Variants in KLF12 observed in about 807,000 individuals in gnomAD.
The protein encoded by KLF12 is Krueppel-like factor 12.
KLF12 carries 9 observed loss-of-function variants against 37.8 expected under a neutral mutation model. The ratio of observed to expected loss-of-function variants is 0.24; its 90% CI spans 0.14 to 0.42. The LOEUF is 0.42. KLF12 is among the 10% of genes least tolerant of loss of function. The pLI, the probability that KLF12 is intolerant of heterozygous loss-of-function variation, is 1.00. For synonymous variants in KLF12, 208 were observed against 202.1 expected (o/e 1.03, Z -0.25); for missense variants, 411 against 516.0 (o/e 0.80, Z 1.97).
the KLF12 span, among the ~76,000 whole-genome samples, chr13:74,280,825 CTT>C: frequency 1.6e-3 from 176 of 110,544 alleles, no homozygotes; most frequent in Non-Finnish European, 2.2e-3. Context: ...TTTCTTTTTT[CTT>C]TTTTTTTTTT....
intron 6 of KLF12, among the ~76,000 whole-genome samples, chr13:73,722,018 T>C (rs1876300789): frequency 6.6e-6 from 1 of 152,262 alleles, no homozygotes; most frequent in Middle Eastern, 3.4e-3. Flanking sequence ...CCAAAAAGAA[T>C]TGAGTTGGTT....
the KLF12 span, among the ~76,000 whole-genome samples, chr13:74,278,379 G>A: frequency 6.6e-6 from 1 of 152,154 alleles, no homozygotes; most frequent in African/African-American, 2.4e-5. Context: ...ACTGTCATGT[G>A]TTCATCACCG....
chr13:73,725,462 A>T (rs1177944446), intron 6 of KLF12, among the ~76,000 whole-genome samples: 1 of 152,108 alleles, frequency 6.6e-6, no homozygotes, highest in Non-Finnish European at 1.5e-5. Context: ...TATAATGATA[A>T]ACAAGAAAAC....
chr13:74,215,816 G>A, the KLF12 span, among the ~76,000 whole-genome samples: 2 of 152,212 alleles, frequency 1.3e-5, no homozygotes, highest in Non-Finnish European at 2.9e-5. Flanking sequence ...GAAAGGTTGT[G>A]GGGAGGTGTC....
At chr13:74,108,232 A>G (rs1305910819) in intron 1 of KLF12, among the ~76,000 whole-genome samples, 82 of 152,246 alleles carry the variant, frequency 5.4e-4, no homozygotes, top group African/African-American at 1.9e-3. Context: ...AATTTGTCTA[A>G]ATAAACCATA....
rs1593965380 is a variant in KLF12 at position 73,695,318 on chromosome 13, G to A, written c.*172C>T. The A allele has an allele frequency of 3.2e-6, 2 of 622,400 alleles. No homozygotes were observed. The highest frequency in any genetic ancestry group is 5.6e-5 in the East Asian group (2 of 35,904). The allele number at this position is 622,400 out of a possible 1,614,324, so 38.6% of individuals were successfully genotyped here. The stretch of plus-strand genomic sequence containing the variant: ...AAGACGGTTCTCGTCTAGTCATGAT[G>A]GGGGTTACCTTCAGACCAAAAGAAG... On this transcript the variant is annotated 3_prime_UTR_variant, in exon 8 of 8. Coordinates refer to ENST00000377669, the MANE Select transcript of KLF12 (RefSeq NM_007249.5).
intron 1 of KLF12, among the ~76,000 whole-genome samples, chr13:74,076,486 A>G (rs1874570781): frequency 6.6e-6 from 1 of 152,160 alleles, no homozygotes; most frequent in South Asian, 2.1e-4. Flanking sequence ...TTCCCCACAC[A>G]GTGGAAGGTG....
chr13:74,168,175 G>A, the KLF12 span, among the ~76,000 whole-genome samples: 1 of 152,174 alleles, frequency 6.6e-6, no homozygotes, highest in Non-Finnish European at 1.5e-5. Context: ...GCTTTGAAAC[G>A]GTGGCTGTTT....
chr13:74,079,968 C>T (rs1010708766), intron 1 of KLF12, among the ~76,000 whole-genome samples: 1 of 152,062 alleles, frequency 6.6e-6, no homozygotes, highest in African/African-American at 2.4e-5. Flanking sequence ...GGAAGCAAAC[C>T]CAAAAGTCCA....
chr13:74,159,816 C>T, the KLF12 span, among the ~76,000 whole-genome samples: 2 of 151,916 alleles, frequency 1.3e-5, no homozygotes, highest in Non-Finnish European at 2.9e-5. Flanking sequence ...CTCAGGAGCT[C>T]GAGACCAGCC....
chr13:74,144,386 A>G, the KLF12 span, among the ~76,000 whole-genome samples: 1 of 152,192 alleles, frequency 6.6e-6, no homozygotes, highest in Non-Finnish European at 1.5e-5. Context: ...TTTCTTCAAA[A>G]ATGAGAATGA....
At position 73,774,306 on chromosome 13, in the gene KLF12, A is replaced by G. The variant is rs572969240; in HGVS notation, c.807-9306T>C. 5.7e-4 allele frequency among the ~76,000 whole-genome samples: 84 copies of G among 147,934 alleles called. 1 individual carries two copies. The highest frequency in any genetic ancestry group is 2.0e-3 in the African/African-American group (79 of 40,386). On this transcript the variant is annotated intron_variant, in intron 5 of 7. Coordinates refer to ENST00000377669, the MANE Select transcript of KLF12 (RefSeq NM_007249.5). ...TATACACACACACACACACACATCT[A>G]TATATATATATATATAGATTATACA...
At chr13:73,823,138 GC>G (rs1883627921) in intron 4 of KLF12, among the ~76,000 whole-genome samples, 1 of 152,034 alleles carries the variant, frequency 6.6e-6, no homozygotes, top group Non-Finnish European at 1.5e-5. Flanking sequence ...TTGGTCTGTT[GC>G]CCCTATCTGT....
intron 7 of KLF12, among the ~76,000 whole-genome samples, chr13:73,708,059 A>G (rs1875083822): frequency 6.6e-6 from 1 of 152,214 alleles, no homozygotes; most frequent in East Asian, 1.9e-4. Flanking sequence ...GAGAAAAATT[A>G]TTAAATAATG....
intron 2 of KLF12, among the ~76,000 whole-genome samples, chr13:73,962,413 T>A (rs928259785): frequency 2.6e-5 from 4 of 152,162 alleles, no homozygotes; most frequent in African/African-American, 9.7e-5. Context: ...TGAATACACA[T>A]CAATATGCAC....
chr13:74,090,033 T>C (rs1365220263), intron 1 of KLF12, among the ~76,000 whole-genome samples: 1 of 152,028 alleles, frequency 6.6e-6, no homozygotes, highest in Non-Finnish European at 1.5e-5. Context: ...ATCTTGTATA[T>C]AGAAAATTCT....
the KLF12 span, among the ~76,000 whole-genome samples, chr13:74,271,459 G>A: frequency 6.6e-6 from 1 of 152,024 alleles, no homozygotes; most frequent in Non-Finnish European, 1.5e-5. Context: ...AAAAATGGTA[G>A]GACCATTTTT....
the KLF12 span, among the ~76,000 whole-genome samples, chr13:74,263,385 A>G: frequency 6.6e-6 from 1 of 152,226 alleles, no homozygotes; most frequent in African/African-American, 2.4e-5. Context: ...GAACCATAAG[A>G]TAAAGACTCT....
At chr13:73,994,322 C>T (rs143272133) in intron 2 of KLF12, among the ~76,000 whole-genome samples, 18 of 152,194 alleles carry the variant, frequency 1.2e-4, no homozygotes, top group East Asian at 3.9e-4. Context: ...ACCCTACTTA[C>T]GAAATAGAGA....
Sources: allele counts gnomAD v4.1 joint callset (sites outside exome capture counted in the v4.1 genomes callset), GRCh38; gene constraint gnomAD v4.1.1; transcripts MANE v1.5; gene names NCBI Gene and HGNC (gene_info 2026-07-23, HGNC 2026-07-21).